Variants in ATXN10 observed in about 807,000 individuals in gnomAD.
The protein encoded by ATXN10 is ataxin 10.
ATXN10 carries 28 observed loss-of-function variants against 52.9 expected under a neutral mutation model. That is an observed-to-expected ratio of 0.53 (90% confidence interval 0.39 to 0.73). The LOEUF is 0.73. ATXN10 is among the 30% of genes least tolerant of loss of function. The pLI, the probability that ATXN10 is intolerant of heterozygous loss-of-function variation, is 0.00. For missense variants in ATXN10, 565 were observed against 577.0 expected, an observed-to-expected ratio of 0.98 and a Z score of 0.21; for synonymous variants, 226 against 221.5, an observed-to-expected ratio of 1.02 and a Z score of -0.18.
At chr22:45,747,883 G>C (rs1300203874) in intron 9 of ATXN10, among the ~76,000 whole-genome samples, 1 of 151,578 alleles carries the variant, frequency 6.6e-6, no homozygotes, top group Admixed American at 6.6e-5. Flanking sequence ...GAGTTTGAGA[G>C]CAGCCTGGGC....
chr22:45,819,299 G>A lies in ATXN10; in HGVS notation c.1237+12277G>A, dbSNP rs1928573891. On this transcript the variant is annotated intron_variant, in intron 10 of 11. Coordinates refer to ENST00000252934, the MANE Select transcript of ATXN10 (RefSeq NM_013236.4). The surrounding 1 kb of genome is among the most constrained non-coding windows in gnomAD (Gnocchi z 4.5). Reference sequence around the variant, plus strand: ...GTATTTTAGAAATTTTGTATCTGATGTATAAGATCAGATCATAAGCCTAAA... The same window carrying A: ...GTATTTTAGAAATTTTGTATCTGATATATAAGATCAGATCATAAGCCTAAA... Among the ~76,000 whole-genome samples the A allele has an allele frequency of 6.6e-6, 1 of 152,132 alleles. No homozygotes were observed. The highest frequency in any genetic ancestry group is 1.5e-5 in the Non-Finnish European group (1 of 68,026).
chr22:45,752,742 T>C (rs1346208014), intron 9 of ATXN10, among the ~76,000 whole-genome samples: 1 of 151,390 alleles, frequency 6.6e-6, no homozygotes, highest in Non-Finnish European at 1.5e-5. Context: ...CAGATCCACT[T>C]CTTTTTTTTT....
In ATXN10 at chr22:45,841,275, C is replaced by T. The variant is rs1929338072; in HGVS notation, c.1238-1716C>T. Among the ~76,000 whole-genome samples, 1 of 152,224 alleles carries T rather than the reference C, an allele frequency of 6.6e-6. No homozygotes were observed. Among genetic ancestry groups the T allele is most frequent in the African/African-American group, 2.4e-5 (1 of 41,452 alleles). On this transcript the variant is annotated intron_variant, in intron 10 of 11. Transcript: ENST00000252934. The surrounding 1 kb of genome is among the most constrained non-coding windows in gnomAD (Gnocchi z 5.1). ...CTTTTTCCCCACCATAGACAGATGA[C>T]TGATTATAGAACCAGCATTAGCTGG...
intron 1 of ATXN10, among the ~76,000 whole-genome samples, chr22:45,685,133 T>A: frequency 6.6e-6 from 1 of 152,148 alleles, no homozygotes; most frequent in African/African-American, 2.4e-5. Flanking sequence ...CACCTGATGA[T>A]TGAACTGTAA....
intron 10 of ATXN10, among the ~76,000 whole-genome samples, chr22:45,815,650 GT>G (rs1928434032): frequency 7.2e-6 from 1 of 139,360 alleles, no homozygotes; most frequent in Non-Finnish European, 1.5e-5. Flanking sequence ...AGTCCTCTTT[GT>G]TGGAAAAAAT....
intron 9 of ATXN10, among the ~76,000 whole-genome samples, chr22:45,748,666 T>C (rs1254587490): frequency 6.6e-6 from 1 of 152,224 alleles, no homozygotes; most frequent in Admixed American, 6.5e-5. Context: ...TTCCTGTGTT[T>C]TTCCTCTTGT....
Position 45,784,444 on chromosome 22 carries a change from A to G in ATXN10, c.1174-22515A>G, listed in dbSNP as rs188666502. On this transcript the variant is annotated intron_variant, in intron 9 of 11. Coordinates refer to ENST00000252934, the MANE Select transcript of ATXN10 (RefSeq NM_013236.4). The surrounding 1 kb of genome is among the most constrained non-coding windows in gnomAD (Gnocchi z 4.2). The stretch of plus-strand genomic sequence containing the variant: ...GCTAACACAGCTTCTAAGACATATG[A>G]TCTTGATTCGTAAGACATAGTCCCC... 1.4e-3 allele frequency among the ~76,000 whole-genome samples: 220 copies of G among 152,266 alleles called. No individual in the cohort carries two copies. The highest frequency in any genetic ancestry group is 5.1e-3 in the African/African-American group (211 of 41,566).
In ATXN10 at chr22:45,698,263, A is replaced by G. The variant is rs117460428; in HGVS notation, c.392-2019A>G. On this transcript the variant is annotated intron_variant, in intron 3 of 11. Transcript: ENST00000252934. ...AATCATATGACTTTTCACCGACACC[A>G]TACGAATGTTCCCATTTCTTGCATC... Among the ~76,000 whole-genome samples, 10 of 152,300 alleles carry G rather than the reference A, an allele frequency of 6.6e-5. No individual in the cohort carries two copies. The East Asian group carries it at 9.6e-4, about 15-fold the overall frequency.
At chr22:45,801,615 A>G (rs931086053) in intron 9 of ATXN10, among the ~76,000 whole-genome samples, 4 of 152,216 alleles carry the variant, frequency 2.6e-5, no homozygotes, top group African/African-American at 9.6e-5. Flanking sequence ...CACCCAGTTA[A>G]TGAGACAGTC....
chr22:45,804,909 A>G (rs998188318), intron 9 of ATXN10, among the ~76,000 whole-genome samples: 13 of 152,136 alleles, frequency 8.5e-5, no homozygotes, highest in African/African-American at 3.1e-4. Context: ...ATACTCCTTT[A>G]TCACACACAA....
In ATXN10 at chr22:45,772,152, T is replaced by G. The variant is rs1024963388; in HGVS notation, c.1173+31614T>G. Among the ~76,000 whole-genome samples the G allele has an allele frequency of 2.6e-5, 4 of 152,202 alleles. No individual in the cohort carries two copies. The highest frequency in any genetic ancestry group is 3.8e-4 in the East Asian group (2 of 5,196). On this transcript the variant is annotated intron_variant, in intron 9 of 11. Transcript: ENST00000252934. The surrounding 1 kb of genome is among the most constrained non-coding windows in gnomAD (Gnocchi z 4.1). The stretch of plus-strand genomic sequence containing the variant: ...TCATTTCAAGAACTCTGTCCCTAAT[T>G]CAGAATCACAAGAATTTTCTCATAG...
intron 10 of ATXN10, among the ~76,000 whole-genome samples, chr22:45,838,066 T>TA (rs1179117181): frequency 5.3e-5 from 8 of 152,216 alleles, no homozygotes; most frequent in Non-Finnish European, 1.2e-4. Flanking sequence ...ATCTGTCTCA[T>TA]CAGACAATTC....
intron 9 of ATXN10, among the ~76,000 whole-genome samples, chr22:45,794,364 AT>A (rs1349854242): frequency 6.6e-6 from 1 of 150,968 alleles, no homozygotes; most frequent in African/African-American, 2.4e-5. Context: ...AGATTTTCAC[AT>A]TTTTTTCATA....
intron 6 of ATXN10, among the ~76,000 whole-genome samples, chr22:45,723,567 A>G (rs1924746975): frequency 6.6e-6 from 1 of 151,804 alleles, no homozygotes; most frequent in South Asian, 2.1e-4. Flanking sequence ...CCATTATACT[A>G]CTCTGTGTGC....
intron 9 of ATXN10, among the ~76,000 whole-genome samples, chr22:45,802,373 C>G (rs1485812069): frequency 2.6e-5 from 4 of 152,176 alleles, no homozygotes; most frequent in East Asian, 1.9e-4. Context: ...CTCTCCTGCC[C>G]CAACATTAGC....
chr22:45,702,187 A>G (rs764184696), intron 4 of ATXN10, among the ~76,000 whole-genome samples: 10 of 152,200 alleles, frequency 6.6e-5, no homozygotes, highest in South Asian at 2.1e-4. Context: ...GACAATCAAT[A>G]TGTCAGTGAC....
chr22:45,780,077 C>T lies in ATXN10; in HGVS notation c.1174-26882C>T, dbSNP rs1927092679. 1.6e-5 allele frequency among the ~76,000 whole-genome samples: 2 copies of T among 126,420 alleles called. No individual in the cohort carries two copies. The highest frequency in any genetic ancestry group is 4.1e-3 in the Middle Eastern group (1 of 244). The allele number at this position is 126,420 out of a possible 152,430, so 82.9% of individuals were successfully genotyped here. A position where few individuals can be genotyped will look rare whatever the true frequency, so the allele number is the denominator to read the frequency against. On this transcript the variant is annotated intron_variant, in intron 9 of 11. Transcript: ENST00000252934. This position sits in a 1 kb window ranked among gnomAD's most constrained non-coding sequence, Gnocchi z 4.0. ...ACGCTTATACAAACAAAAAGGCAGACTGCATCATCTTTTTTTTTTTTTTTG... is the reference window on the plus strand; with the variant it reads ...ACGCTTATACAAACAAAAAGGCAGATTGCATCATCTTTTTTTTTTTTTTTG...
chr22:45,793,588 G>A (rs761561302), intron 9 of ATXN10: 176 of 1,313,832 alleles, frequency 1.3e-4, no homozygotes, highest in Middle Eastern at 4.0e-4. Flanking sequence ...TCTGGAGCCT[G>A]CACCTTCATT....
intron 1 of ATXN10, among the ~76,000 whole-genome samples, chr22:45,680,659 T>TCA (rs2146726537): frequency 6.6e-6 from 1 of 151,950 alleles, no homozygotes; most frequent in East Asian, 1.9e-4. Context: ...AGATTAGCTC[T>TCA]CACTATGTTT....
Sources: allele counts gnomAD v4.1 joint callset (sites outside exome capture counted in the v4.1 genomes callset), GRCh38; gene constraint gnomAD v4.1.1; non-coding constraint Gnocchi (gnomAD v3.1); transcripts MANE v1.5; gene names NCBI Gene and HGNC (gene_info 2026-07-23, HGNC 2026-07-21).